TUT4: variants seen among roughly 807,000 people sequenced by gnomAD.
TUT4 encodes the protein terminal uridylyl transferase 4, also known as terminal uridylyltransferase 4.
Under a neutral mutation model 192.2 loss-of-function variants are expected in TUT4, and 36 were observed. The ratio of observed to expected loss-of-function variants is 0.19; its 90% CI spans 0.14 to 0.25. The LOEUF is 0.25. Ranked by LOEUF, TUT4 falls within the 10% of genes least tolerant of loss-of-function variation. The probability of loss-of-function intolerance (pLI) is 1.00; values close to 1 mark genes in which losing one functional copy is unlikely to be tolerated. For synonymous variants in TUT4, 618 were observed against 666.0 expected (o/e 0.93, Z 1.11); for missense variants, 1,493 against 1,957.2 (o/e 0.76, Z 4.47).
intron 1 of TUT4, among the ~76,000 whole-genome samples, chr1:52,535,938 T>G (rs1684782271): frequency 1.3e-5 from 2 of 152,180 alleles, no homozygotes; most frequent in Admixed American, 1.3e-4. Flanking sequence ...GAAGGAGAAA[T>G]TATATTTCCA....
intron 18 of TUT4, 45 bp from the exon 19 acceptor site, chr1:52,461,268 A>T (rs1662464641): frequency 6.5e-7 from 1 of 1,529,724 alleles, no homozygotes; most frequent in Non-Finnish European, 8.9e-7. Flanking sequence ...ATTTCGTAAA[A>T]TTAAACTACA....
chr1:52,505,985 A>G (rs920252006), intron 4 of TUT4, among the ~76,000 whole-genome samples: 13 of 150,962 alleles, frequency 8.6e-5, no homozygotes, highest in African/African-American at 3.2e-4. Context: ...TGCCCAGCTA[A>G]TTTTTGTATT....
chr1:52,493,573 TAAAAA>T (rs747524454), intron 7 of TUT4, 33 bp downstream of exon 7: 19 of 1,043,676 alleles, frequency 1.8e-5, no homozygotes, highest in Non-Finnish European at 2.4e-5. Context: ...AAAGACAAAT[TAAAAA>T]AAAAAAAGAA....
chr1:52,538,669 GAAAAAAAA>G (rs1205554959), intron 1 of TUT4: 2 of 99,504 alleles, frequency 2.0e-5, no homozygotes, highest in African/African-American at 7.5e-5. Context: ...GAAAAGAAAA[GAAAAAAAA>G]AAAAGAAAAA....
intron 1 of TUT4, among the ~76,000 whole-genome samples, chr1:52,552,132 T>G (rs112584024): frequency 6.6e-6 from 1 of 152,236 alleles, no homozygotes; most frequent in African/African-American, 2.4e-5. Context: ...AAAGAAAATG[T>G]GTAATCAACG....
chr1:52,435,895 G>T (rs1245526167), intron 26 of TUT4, among the ~76,000 whole-genome samples: 1 of 151,848 alleles, frequency 6.6e-6, no homozygotes, highest in Non-Finnish European at 1.5e-5. Flanking sequence ...GGCAACAAGA[G>T]TCTGTCTCTC....
intron 1 of TUT4, among the ~76,000 whole-genome samples, chr1:52,551,937 C>T (rs1220574512): frequency 6.6e-6 from 1 of 152,240 alleles, no homozygotes. Context: ...ATCTGATCCA[C>T]TCGGGCTAAT....
At chr1:52,479,573 A>C (rs1414135220) in intron 11 of TUT4, among the ~76,000 whole-genome samples, 1 of 152,214 alleles carries the variant, frequency 6.6e-6, no homozygotes, top group Non-Finnish European at 1.5e-5. Flanking sequence ...GTTAACCGAA[A>C]GGAACATCCT....
chr1:52,449,070 C>T (rs761070654), intron 20 of TUT4, among the ~76,000 whole-genome samples: 16 of 147,690 alleles, frequency 1.1e-4, no homozygotes, highest in Non-Finnish European at 2.4e-4. Context: ...CACTTTTACA[C>T]ACACACACAC....
In TUT4 at chr1:52,466,733, T is replaced by C. The variant is rs1049395234; in HGVS notation, c.2965+1448A>G. ...TCGCCCAGGCTGGAGTGCAAAGGCATGACCTTGGCTCACTGCAACCTCTGC... is the reference window on the plus strand; with the variant it reads ...TCGCCCAGGCTGGAGTGCAAAGGCACGACCTTGGCTCACTGCAACCTCTGC... On this transcript the variant is annotated intron_variant, in intron 15 of 29. Transcript: ENST00000257177. 2.7e-5 allele frequency among the ~76,000 whole-genome samples: 4 copies of C among 150,050 alleles called. No homozygotes were observed. The South Asian group carries it at 8.4e-4, about 31-fold the overall frequency.
In TUT4 at chr1:52,423,913, G is replaced by A. The variant is rs1457558404; in HGVS notation, c.*22C>T. On this transcript the variant is annotated 3_prime_UTR_variant, in exon 30 of 30. Coordinates refer to ENST00000257177, the MANE Select transcript of TUT4 (RefSeq NM_001009881.3). ...CTGGTTGCTGTGCATCGGTAGACCAGCTGAAAGAAAATGGACTCGCATTAC... is the reference window on the plus strand; with the variant it reads ...CTGGTTGCTGTGCATCGGTAGACCAACTGAAAGAAAATGGACTCGCATTAC... 1.9e-6 allele frequency: 3 copies of A among 1,610,608 alleles called. No individual in the cohort carries two copies. Among genetic ancestry groups the A allele is most frequent in the Admixed American group, 1.7e-5 (1 of 59,594 alleles).
rs1444604540 is a variant in TUT4 at position 52,481,090 on chromosome 1, A to G, written c.1848+333T>C. On this transcript the variant is annotated intron_variant, in intron 11 of 29. Transcript: ENST00000257177. ...CCCTCTCTTAGAGCACAGGGGCTTT[A>G]TTTCTCCACCCAATTGGCAACAAAA... 2.6e-5 allele frequency among the ~76,000 whole-genome samples: 4 copies of G among 152,152 alleles called. No individual in the cohort carries two copies. The South Asian group carries it at 6.2e-4, about 24-fold the overall frequency.
intron 18 of TUT4, 124 bp downstream of exon 18, chr1:52,461,389 C>T (rs1325016943): frequency 2.6e-6 from 3 of 1,132,376 alleles, no homozygotes; most frequent in Admixed American, 5.5e-5. Context: ...AAGGAACTAT[C>T]AAGATAACTA....
intron 1 of TUT4, among the ~76,000 whole-genome samples, chr1:52,537,905 G>A (rs755867914): frequency 4.6e-5 from 7 of 151,652 alleles, no homozygotes; most frequent in Non-Finnish European, 7.4e-5. Context: ...GAGCAAAACT[G>A]TCTCAAAAAT....
At position 52,425,519 on chromosome 1, in the gene TUT4, C is replaced by G. The variant is rs777036998; in HGVS notation, c.4712-12G>C. 1.3e-6 allele frequency: 2 copies of G among 1,598,074 alleles called. No individual in the cohort carries two copies. Among genetic ancestry groups the G allele is most frequent in the East Asian group, 2.2e-5 (1 of 44,600 alleles). On this transcript the variant is annotated splice_polypyrimidine_tract_variant and intron_variant, in intron 28 of 29. Coordinates refer to ENST00000257177, the MANE Select transcript of TUT4 (RefSeq NM_001009881.3). ...TCGAAAGCCTGGCTCTGCATTTCAA[C>G]AAGAGGGAAAAAGACATTTAAAAAC...
Position 52,519,787 on chromosome 1 carries a change from G to A in TUT4, c.719-3733C>T, listed in dbSNP as rs925834173. 2.0e-5 allele frequency among the ~76,000 whole-genome samples: 3 copies of A among 152,120 alleles called. No individual in the cohort carries two copies. In the East Asian group the frequency reaches 5.8e-4, roughly 29 times the overall value. On this transcript the variant is annotated intron_variant, in intron 2 of 29. Transcript: ENST00000257177. ...GCCTCCCAAAGTGCTGGGATTACAG[G>A]CGCGAGCCACTGCACCTGGCCTTGA... is the stretch of plus-strand genomic sequence containing the variant.
chr1:52,464,798 C>T (rs1278819932), intron 16 of TUT4, among the ~76,000 whole-genome samples: 5 of 152,258 alleles, frequency 3.3e-5, no homozygotes, highest in East Asian at 3.9e-4. Context: ...ATTCCAACTT[C>T]GTGATATATT....
At position 52,515,884 on chromosome 1, in the gene TUT4, A is replaced by C; in HGVS notation, c.882+7T>G. On this transcript the variant is annotated splice_region_variant and intron_variant, in intron 3 of 29. Transcript: ENST00000257177. ...TCCCCCCAAATAACTAAAACAACATAGTATACTTTTTCAAGTCGAAAGATG... is the reference window on the plus strand; with the variant it reads ...TCCCCCCAAATAACTAAAACAACATCGTATACTTTTTCAAGTCGAAAGATG... The C allele has an allele frequency of 6.2e-7, 1 of 1,613,838 alleles. No individual in the cohort carries two copies. The highest frequency in any genetic ancestry group is 8.5e-7 in the Non-Finnish European group (1 of 1,179,934).
chr1:52,472,742 T>C (rs1282783964), intron 13 of TUT4, among the ~76,000 whole-genome samples: 1 of 152,080 alleles, frequency 6.6e-6, no homozygotes, highest in Non-Finnish European at 1.5e-5. Context: ...TTTAAATGTA[T>C]TTCAATGGAC....
Sources: allele counts gnomAD v4.1 joint callset (sites outside exome capture counted in the v4.1 genomes callset), GRCh38; gene constraint gnomAD v4.1.1; transcripts MANE v1.5; gene names NCBI Gene and HGNC (gene_info 2026-07-23, HGNC 2026-07-21).